Variants in GRK3 observed in about 807,000 individuals in gnomAD.
The protein encoded by GRK3 is adrenergic, beta, receptor kinase 2.
Under a neutral mutation model 95.7 loss-of-function variants are expected in GRK3, and 54 were observed. The observed-to-expected ratio is 0.56, with a 90% CI of 0.45 to 0.71. The LOEUF (loss-of-function observed/expected upper bound fraction) is 0.71, where lower values mean the gene tolerates loss of function less well. GRK3 is among the 30% of genes least tolerant of loss of function. The probability of loss-of-function intolerance (pLI) is 0.00; values close to 1 mark genes in which losing one functional copy is unlikely to be tolerated. For missense variants in GRK3, 649 were observed against 851.2 expected (o/e 0.76, Z 2.96); for synonymous variants, 281 against 290.8 (o/e 0.97, Z 0.34).
intron 5 of GRK3, among the ~76,000 whole-genome samples, chr22:25,666,576 C>T (rs541601988): frequency 6.6e-6 from 1 of 152,116 alleles, no homozygotes; most frequent in African/African-American, 2.4e-5. Context: ...GGCTCACCCC[C>T]CACCACCGCC....
At chr22:25,711,026 C>T (rs373564070) in intron 16 of GRK3, 42 bp from the exon 17 acceptor site, 19 of 1,320,360 alleles carry the variant, frequency 1.4e-5, no homozygotes, top group South Asian at 2.5e-5. Context: ...CAGGGCCATA[C>T]GATCATCTGA....
chr22:25,604,892 A>G (rs2084433621), intron 2 of GRK3, among the ~76,000 whole-genome samples: 1 of 152,230 alleles, frequency 6.6e-6, no homozygotes, highest in Admixed American at 6.5e-5. Flanking sequence ...ATTAATAGAC[A>G]TAGACTGATA....
intron 1 of GRK3, among the ~76,000 whole-genome samples, chr22:25,591,345 G>T (rs532407657): frequency 6.6e-6 from 1 of 152,126 alleles, no homozygotes; most frequent in Admixed American, 6.5e-5. Flanking sequence ...ATCTCATGAT[G>T]TGTTCACCTG....
Position 25,652,900 on chromosome 22 carries a change from G to C in GRK3, c.264+8235G>C, listed in dbSNP as rs77412898. 5.5e-3 allele frequency among the ~76,000 whole-genome samples: 832 copies of C among 152,228 alleles called. 6 individuals are homozygous for C. The highest frequency in any genetic ancestry group is 0.018 in the African/African-American group (748 of 41,536). ...ATTCAGTATAGTCACATGCTGCACA[G>C]GTTTGAATCCTAGGAGCAATAGGCT... On this transcript the variant is annotated intron_variant, in intron 3 of 20. Transcript: ENST00000324198.
At chr22:25,573,521 A>G (rs754512120) in intron 1 of GRK3, among the ~76,000 whole-genome samples, 1 of 152,236 alleles carries the variant, frequency 6.6e-6, no homozygotes, top group Non-Finnish European at 1.5e-5. Flanking sequence ...TAGGCACTGT[A>G]TAATTCTTAG....
In GRK3 at chr22:25,583,661, T is replaced by C. The variant is rs187553342; in HGVS notation, c.113+18508T>C. Among the ~76,000 whole-genome samples the C allele has an allele frequency of 1.5e-3, 224 of 152,326 alleles. 1 individual carries two copies. The Middle Eastern group carries it at 0.027, about 19-fold the overall frequency. ...CTCAGTGTCTGGCTCAGGGTAAGGA[T>C]GCAGCACCTATCTTTTGAATGAGCG... On this transcript the variant is annotated intron_variant, in intron 1 of 20. Transcript: ENST00000324198.
chr22:25,573,779 A>T (rs1462978714), intron 1 of GRK3, among the ~76,000 whole-genome samples: 1 of 152,152 alleles, frequency 6.6e-6, no homozygotes, highest in East Asian at 1.9e-4. Context: ...GGCACCCACA[A>T]TCCCGGCTAC....
Position 25,726,912 on chromosome 22 carries a change from CGTGTGTGTGTGTGTGTGTGTGTGTGT to C in GRK3, c.*4482_*4507del, listed in dbSNP as rs3223258. 1 of 137,896 alleles carries C rather than the reference CGTGTGTGTGTGTGTGTGTGTGTGTGT, an allele frequency of 7.3e-6. No individual in the cohort carries two copies. The highest frequency in any genetic ancestry group is 1.5e-5 in the Non-Finnish European group (1 of 64,614). The allele number at this position is 137,896 out of a possible 1,614,324, so 8.5% of individuals were successfully genotyped here. On this transcript the variant is annotated 3_prime_UTR_variant, in exon 21 of 21. Coordinates refer to ENST00000324198, the MANE Select transcript of GRK3 (RefSeq NM_005160.4). ...TTACCAGGCCATCTCCAAAACACCC[CGTGTGTGTGTGTGTGTGTGTGTGTGT>C]GTGTGTGTGTGTGTGTGTGCACTTT...
intron 3 of GRK3, among the ~76,000 whole-genome samples, chr22:25,655,051 C>G (rs1024397648): frequency 6.6e-6 from 1 of 151,918 alleles, no homozygotes; most frequent in Non-Finnish European, 1.5e-5. Context: ...CTTCTCTGAC[C>G]CCTCATTTTT....
rs75553556 is a variant in GRK3 at position 25,658,004 on chromosome 22, T to G, written c.265-3572T>G. ...TGTTTTTTTCAGATACTCTATTTTT[T>G]ACTTCTGACATTTTTATCTGGTTCT... On this transcript the variant is annotated intron_variant, in intron 3 of 20. Transcript: ENST00000324198. 5.7e-3 allele frequency among the ~76,000 whole-genome samples: 874 copies of G among 152,326 alleles called. 10 individuals carry two copies. Among genetic ancestry groups the G allele is most frequent in the African/African-American group, 0.019 (787 of 41,576 alleles).
intron 6 of GRK3, among the ~76,000 whole-genome samples, chr22:25,669,198 C>T (rs1046627550): frequency 3.3e-5 from 5 of 152,044 alleles, no homozygotes. Context: ...ACGAAGGGCC[C>T]CATGGAAAAG....
intron 2 of GRK3, among the ~76,000 whole-genome samples, chr22:25,634,544 T>G (rs2084686492): frequency 6.6e-6 from 1 of 152,246 alleles, no homozygotes; most frequent in Non-Finnish European, 1.5e-5. Flanking sequence ...ATGTAACTGA[T>G]TTGCTGCATT....
In GRK3 at chr22:25,722,848, A is replaced by T. The variant is rs755611250; in HGVS notation, c.*398A>T. Reference sequence around the variant, plus strand: ...TCTGTCTAGTCACTGCTGATTTTCTATGTCTTTGCTCCATACTGCTGGGGG... The same window carrying T: ...TCTGTCTAGTCACTGCTGATTTTCTTTGTCTTTGCTCCATACTGCTGGGGG... On this transcript the variant is annotated 3_prime_UTR_variant, in exon 21 of 21. Coordinates refer to ENST00000324198, the MANE Select transcript of GRK3 (RefSeq NM_005160.4). 1 of 158,004 alleles carries T rather than the reference A, an allele frequency of 6.3e-6. No homozygotes were observed. Among genetic ancestry groups the T allele is most frequent in the Non-Finnish European group, 1.4e-5 (1 of 71,820 alleles). 9.8% of individuals were successfully genotyped at this position (158,004 alleles called of 1,614,324 possible).
At position 25,661,564 on chromosome 22, in the gene GRK3, T is replaced by TA; in HGVS notation, c.265-6dup. ...AGATACAACCTAACAATGATAACTT[T>TA]AAAAAACCTAGATAAAGGAATATGA... On this transcript the variant is annotated splice_polypyrimidine_tract_variant and intron_variant, in intron 3 of 20. Transcript: ENST00000324198. 1 of 1,581,284 alleles carries TA rather than the reference T, an allele frequency of 6.3e-7. No homozygotes were observed. Among genetic ancestry groups the TA allele is most frequent in the Non-Finnish European group, 8.7e-7 (1 of 1,154,286 alleles).
chr22:25,718,295 G>A lies in GRK3; in HGVS notation c.1705G>A (p.Gly569Arg), dbSNP rs1568941898. Residue 569 changes from glycine to arginine, a missense_variant, in exon 19 of 21, where the codon GGA becomes AGA. This residue lies in a region of GRK3 where 382 missense variants were observed against 493.8 expected (regional missense o/e 0.77). Transcript: ENST00000324198. ...TATGCACGGGTACATGCTGAAACTG[G>A]GAAACCCATTTCTGACTCAGTGGCA... Reference protein sequence around the residue: ...CIMHGYMLKLGNPFLTQWQRR... With the variant: ...CIMHGYMLKLRNPFLTQWQRR... 6.2e-7 allele frequency: 1 copy of A among 1,614,074 alleles called. No individual in the cohort carries two copies. Among genetic ancestry groups the A allele is most frequent in the Non-Finnish European group, 8.5e-7 (1 of 1,179,994 alleles).
intron 11 of GRK3, among the ~76,000 whole-genome samples, 168 bp downstream of exon 11, chr22:25,687,835 C>T (rs768440878): frequency 4.6e-5 from 7 of 152,182 alleles, no homozygotes; most frequent in South Asian, 4.1e-4. Context: ...CCAGACTCTG[C>T]GGGGACGGAG....
chr22:25,671,221 T>C (rs1477651582), intron 6 of GRK3, among the ~76,000 whole-genome samples: 1 of 151,654 alleles, frequency 6.6e-6, no homozygotes, highest in Non-Finnish European at 1.5e-5. Context: ...GCGCCTGTAG[T>C]CCCAGCTACT....
rs182071203 is a variant in GRK3 at position 25,631,269 on chromosome 22, G to A, written c.191-13323G>A. The stretch of plus-strand genomic sequence containing the variant: ...GTGAAGAATGTTGTGTATCCTGGAC[G>A]TGTCAGAGTACTTGTTTATGACCTC... On this transcript the variant is annotated intron_variant, in intron 2 of 20. Transcript: ENST00000324198. Among the ~76,000 whole-genome samples the A allele has an allele frequency of 1.2e-4, 19 of 152,226 alleles. No individual in the cohort carries two copies. The East Asian group carries it at 1.7e-3, about 14-fold the overall frequency.
rs1569194419 is a variant in GRK3, at chr22:25,685,361, TC to T, written c.826+118del. The T allele has an allele frequency of 6.0e-5, 50 of 830,524 alleles. 2 individuals are homozygous for T. In the Middle Eastern group the frequency reaches 8.0e-3, roughly 132 times the overall value. The allele number at this position is 830,524 out of a possible 1,614,324, so 51.4% of individuals were successfully genotyped here. Reference sequence around the variant, plus strand: ...ATGTGGGTCTTTCAGGTAATTAGGTTCCCCCTGAAGTTTGAGGAAACCTTTT... The same window carrying T: ...ATGTGGGTCTTTCAGGTAATTAGGTTCCCCTGAAGTTTGAGGAAACCTTTT... On this transcript the variant is annotated intron_variant, in intron 10 of 20. Transcript: ENST00000324198.
Sources: allele counts gnomAD v4.1 joint callset (sites outside exome capture counted in the v4.1 genomes callset), GRCh38; gene constraint gnomAD v4.1.1; regional missense constraint gnomAD v4.1.1; transcripts MANE v1.5; gene names NCBI Gene and HGNC (gene_info 2026-07-23, HGNC 2026-07-21).